IL17RD: variants seen among roughly 807,000 people sequenced by gnomAD.
The protein encoded by IL17RD is interleukin-17 receptor D.
Under a neutral mutation model 80.5 loss-of-function variants are expected in IL17RD, and 52 were observed. The observed-to-expected ratio is 0.65, with a 90% CI of 0.52 to 0.81. IL17RD has a LOEUF of 0.81. Ranked by LOEUF, IL17RD falls within the 40% of genes least tolerant of loss-of-function variation. The pLI, the probability that IL17RD is intolerant of heterozygous loss-of-function variation, is 0.00. For missense variants in IL17RD, 1,024 were observed against 955.1 expected (o/e 1.07, Z -0.95); for synonymous variants, 416 against 391.8 (o/e 1.06, Z -0.73).
At chr3:57,104,042 A>C (rs972939342) in intron 8 of IL17RD, among the ~76,000 whole-genome samples, 1 of 152,236 alleles carries the variant, frequency 6.6e-6, no homozygotes, top group African/African-American at 2.4e-5. Context: ...CTAAAACAAA[A>C]AAAATTTAAG....
chr3:57,155,092 G>C (rs1305694394), intron 1 of IL17RD, among the ~76,000 whole-genome samples: 1 of 152,186 alleles, frequency 6.6e-6, no homozygotes, highest in Non-Finnish European at 1.5e-5. Context: ...AAGGCAAAGA[G>C]CACCTCTGAT....
At chr3:57,132,119 G>A (rs1276876677) in intron 1 of IL17RD, among the ~76,000 whole-genome samples, 1 of 151,760 alleles carries the variant, frequency 6.6e-6, no homozygotes, top group Non-Finnish European at 1.5e-5. Flanking sequence ...CAAGGAGGTT[G>A]TGACCGTAGT....
chr3:57,117,584 A>G (rs1250012771), intron 2 of IL17RD, among the ~76,000 whole-genome samples: 2 of 152,210 alleles, frequency 1.3e-5, no homozygotes, highest in Non-Finnish European at 2.9e-5. Context: ...TTAAATGACA[A>G]AGGAATAGAA....
chr3:57,133,703 T>A lies in IL17RD; in HGVS notation c.127-13390A>T, dbSNP rs142987249. ...TCCAAGGATTTCTGGCAAGGAGTGGTATAGAGAGGTCAATTATAAAGCAAA... is the reference window on the plus strand; with the variant it reads ...TCCAAGGATTTCTGGCAAGGAGTGGAATAGAGAGGTCAATTATAAAGCAAA... On this transcript the variant is annotated intron_variant, in intron 1 of 12. Coordinates refer to ENST00000296318, the MANE Select transcript of IL17RD (RefSeq NM_017563.5). 3.1e-4 allele frequency among the ~76,000 whole-genome samples: 47 copies of A among 152,252 alleles called. No individual in the cohort carries two copies. In the East Asian group the frequency reaches 5.4e-3, roughly 18 times the overall value.
intron 8 of IL17RD, 59 bp from the exon 9 acceptor site, chr3:57,103,204 GAA>G (rs3215002): frequency 2.2e-6 from 3 of 1,379,040 alleles, no homozygotes; most frequent in South Asian, 2.5e-5. Flanking sequence ...CAGGTAAGTG[GAA>G]AAAAATGGTA....
intron 1 of IL17RD, among the ~76,000 whole-genome samples, chr3:57,163,715 C>G (rs1258456043): frequency 6.8e-6 from 1 of 148,006 alleles, no homozygotes; most frequent in East Asian, 2.0e-4. Context: ...TAATGTTTTA[C>G]TGAAATGGAA....
At chr3:57,097,424 A>G in intron 12 of IL17RD, 172 bp downstream of exon 12, 1 of 621,406 alleles carries the variant, frequency 1.6e-6, no homozygotes, top group Non-Finnish European at 2.9e-6. Context: ...CAACTCAAAC[A>G]TGTGAGTACT....
rs535846861 is a variant in IL17RD, at chr3:57,154,005, C to T, written c.126+11156G>A. 9.2e-5 allele frequency among the ~76,000 whole-genome samples: 14 copies of T among 151,738 alleles called. 1 individual carries two copies. The South Asian group carries it at 1.2e-3, about 14-fold the overall frequency. On this transcript the variant is annotated intron_variant, in intron 1 of 12. Transcript: ENST00000296318. ...TCATGTCTGTAATCCCAGCACTTTG[C>T]GAGGCCAAGGCAGGAGGACTGCTTG...
chr3:57,102,444 CTTG>C (rs775974704), intron 10 of IL17RD, 32 bp downstream of exon 10: 13 of 1,270,678 alleles, frequency 1.0e-5, no homozygotes, highest in Non-Finnish European at 1.4e-5. Context: ...TGGCCTGCCC[CTTG>C]TTGTGGGGAG....
At chr3:57,124,875 T>A (rs1356548981) in intron 1 of IL17RD, among the ~76,000 whole-genome samples, 2 of 152,176 alleles carry the variant, frequency 1.3e-5, no homozygotes, top group East Asian at 3.9e-4. Flanking sequence ...CTGATCCCTG[T>A]CCTTGTGTTC....
chr3:57,121,595 G>A (rs574253060), intron 1 of IL17RD, among the ~76,000 whole-genome samples: 1 of 152,216 alleles, frequency 6.6e-6, no homozygotes, highest in Non-Finnish European at 1.5e-5. Flanking sequence ...TCCTTCTCCA[G>A]CTTTCCTCCT....
Position 57,164,855 on chromosome 3 carries a change from T to C in IL17RD, c.126+306A>G. On this transcript the variant is annotated intron_variant, in intron 1 of 12. Transcript: ENST00000296318. ...GAGGTCCCGGGCCAAGAACAAAGGG[T>C]GGGGCGCCCGGCCCAGCCCCGCCGC... 5 of 1,132,280 alleles carry C rather than the reference T, an allele frequency of 4.4e-6. No homozygotes were observed. The South Asian group carries it at 1.1e-4, about 25-fold the overall frequency. 70.1% of individuals were successfully genotyped at this position (1,132,280 alleles called of 1,614,324 possible). A position where few individuals can be genotyped will look rare whatever the true frequency, so the allele number is the denominator to read the frequency against.
chr3:57,143,135 T>C (rs1707861797), intron 1 of IL17RD, among the ~76,000 whole-genome samples: 1 of 152,198 alleles, frequency 6.6e-6, no homozygotes, highest in Non-Finnish European at 1.5e-5. Context: ...CCTTTCAAAG[T>C]AGAGAGCAGC....
At position 57,091,251 on chromosome 3, in the gene IL17RD, G is replaced by A. The variant is rs1290935764; in HGVS notation, c.*5142C>T. 1.3e-5 allele frequency: 2 copies of A among 152,644 alleles called. No homozygotes were observed. The highest frequency in any genetic ancestry group is 3.9e-4 in the East Asian group (2 of 5,190). 9.5% of individuals were successfully genotyped at this position (152,644 alleles called of 1,614,324 possible). A position where few individuals can be genotyped will look rare whatever the true frequency, so the allele number is the denominator to read the frequency against. On this transcript the variant is annotated 3_prime_UTR_variant, in exon 13 of 13. Transcript: ENST00000296318. ...AGCTGCCACTCAGAAGGTAAGAGCT[G>A]GTCTCAGAGTATACATCAGGAATAA... is the stretch of plus-strand genomic sequence containing the variant.
chr3:57,134,162 G>C, intron 1 of IL17RD: 1 of 652,898 alleles, frequency 1.5e-6, no homozygotes, highest in Non-Finnish European at 2.9e-6. Flanking sequence ...TTCAGATGAG[G>C]CTCGCCTTTA....
At position 57,114,714 on chromosome 3, in the gene IL17RD, A is replaced by T; in HGVS notation, c.288T>A (p.Ile96=). The T allele has an allele frequency of 6.2e-7, 1 of 1,611,716 alleles. No individual in the cohort carries two copies. The highest frequency in any genetic ancestry group is 8.5e-7 in the Non-Finnish European group (1 of 1,179,272). The change falls in exon 3 of 13, where the codon ATT becomes ATA. Residue 96 remains isoleucine, a synonymous_variant. Transcript: ENST00000296318. ...CACCGAGGGCCCCTGGGGACCAAAGAATGGTGACTGCCACTTGGTCATGGC... is the reference window on the plus strand; with the variant it reads ...CACCGAGGGCCCCTGGGGACCAAAGTATGGTGACTGCCACTTGGTCATGGC... ...YACHDQVAVT[I]LWSPGALGIE...
chr3:57,136,326 A>C (rs1431666382), intron 1 of IL17RD, among the ~76,000 whole-genome samples: 1 of 152,198 alleles, frequency 6.6e-6, no homozygotes, highest in Non-Finnish European at 1.5e-5. Context: ...AGAAGAAAGA[A>C]TGAGCTCTGC....
At chr3:57,118,934 A>T (rs1400515758) in intron 2 of IL17RD, among the ~76,000 whole-genome samples, 2 of 152,186 alleles carry the variant, frequency 1.3e-5, no homozygotes, top group African/African-American at 4.8e-5. Flanking sequence ...GGCCAGGCAC[A>T]GTGGCTCACA....
In IL17RD at chr3:57,105,549, AAAAAT is replaced by A. The variant is rs1284677201; in HGVS notation, c.747+303_747+307del. Reference sequence around the variant, plus strand: ...AAGACTCCATCTCAAAAAAAAAAAAAAAAATATATATATATATATATTTGTTCATA... The same window carrying A: ...AAGACTCCATCTCAAAAAAAAAAAAAATATATATATATATATTTGTTCATA... On this transcript the variant is annotated intron_variant, in intron 7 of 12. Coordinates refer to ENST00000296318, the MANE Select transcript of IL17RD (RefSeq NM_017563.5). 5.2e-4 allele frequency among the ~76,000 whole-genome samples: 57 copies of A among 109,980 alleles called. 1 individual carries two copies. Among genetic ancestry groups the A allele is most frequent in the African/African-American group, 2.4e-3 (52 of 21,748 alleles). The allele number at this position is 109,980 out of a possible 152,430, so 72.2% of individuals were successfully genotyped here. A position where few individuals can be genotyped will look rare whatever the true frequency, so the allele number is the denominator to read the frequency against.
Sources: allele counts gnomAD v4.1 joint callset (sites outside exome capture counted in the v4.1 genomes callset), GRCh38; gene constraint gnomAD v4.1.1; transcripts MANE v1.5; gene names NCBI Gene and HGNC (gene_info 2026-07-23, HGNC 2026-07-21).